Variants in ZMYND8 observed in about 807,000 individuals in gnomAD.
ZMYND8 encodes the protein zinc finger MYND-type containing 8, also known as MYND-type zinc finger-containing chromatin reader ZMYND8.
Under a neutral mutation model 140.8 loss-of-function variants are expected in ZMYND8, and 37 were observed. That is an observed-to-expected ratio of 0.26 (90% CI 0.20 to 0.35). The LOEUF (loss-of-function observed/expected upper bound fraction) is 0.35, where lower values mean the gene tolerates loss of function less well. Among genes scored for constraint, ZMYND8 ranks in the 10% least tolerant of loss-of-function variants. The pLI is 1.00. For synonymous variants in ZMYND8, 592 were observed against 597.1 expected (o/e 0.99, Z 0.12); for missense variants, 1,068 against 1,570.0 (o/e 0.68, Z 5.40).
intron 3 of ZMYND8, among the ~76,000 whole-genome samples, chr20:47,305,460 C>T (rs2078408166): frequency 6.6e-6 from 1 of 151,526 alleles, no homozygotes; most frequent in Non-Finnish European, 1.5e-5. Context: ...AGGTTGGTCT[C>T]GAACTCCTGG....
chr20:47,225,317 T>C (rs1297511420), intron 18 of ZMYND8, among the ~76,000 whole-genome samples: 1 of 151,818 alleles, frequency 6.6e-6, no homozygotes, highest in African/African-American at 2.4e-5. Flanking sequence ...TCCCAGCACT[T>C]TGGGAGGCTG....
At position 47,262,370 on chromosome 20, in the gene ZMYND8, G is replaced by A; in HGVS notation, c.1539C>T (p.Pro513=). Reference sequence around the variant, plus strand: ...TAGGAGCTGACAGTTGAGGAGAGAAGGGCTTTGGGCTGCCGGATAAACTCC... The same window carrying A: ...TAGGAGCTGACAGTTGAGGAGAGAAAGGCTTTGGGCTGCCGGATAAACTCC... ...QAGSLSGSPK[P]FSPQLSAPIT... The change falls in exon 12 of 23, where the codon CCC becomes CCT. Residue 513 remains proline, a synonymous_variant. Coordinates refer to ENST00000471951, the MANE Select transcript of ZMYND8 (RefSeq NM_001281775.3). 2 of 1,614,026 alleles carry A rather than the reference G, an allele frequency of 1.2e-6. No individual in the cohort carries two copies. The highest frequency in any genetic ancestry group is 1.7e-6 in the Non-Finnish European group (2 of 1,180,014).
intron 3 of ZMYND8, among the ~76,000 whole-genome samples, chr20:47,301,402 C>T (rs2078037488): frequency 6.6e-6 from 1 of 151,906 alleles, no homozygotes; most frequent in African/African-American, 2.4e-5. Flanking sequence ...GTGATCTGTC[C>T]GTCTCTGCCT....
chr20:47,330,785 C>A (rs1020575707), intron 2 of ZMYND8, among the ~76,000 whole-genome samples: 5 of 152,198 alleles, frequency 3.3e-5, no homozygotes, highest in African/African-American at 1.2e-4. Flanking sequence ...GCTTTTACTT[C>A]AGTCTCTAGG....
intron 1 of ZMYND8, among the ~76,000 whole-genome samples, chr20:47,350,350 A>C (rs1259796655): frequency 1.3e-5 from 2 of 151,460 alleles, no homozygotes; most frequent in Admixed American, 6.6e-5. Flanking sequence ...AAAAAAAAAA[A>C]AACTTCATTT....
chr20:47,305,965 C>T (rs776509674), intron 3 of ZMYND8, among the ~76,000 whole-genome samples: 7 of 152,202 alleles, frequency 4.6e-5, no homozygotes, highest in East Asian at 1.9e-4. Context: ...CACAAAACGC[C>T]GAGAGCATCT....
intron 14 of ZMYND8, among the ~76,000 whole-genome samples, chr20:47,242,113 G>A (rs982525884): frequency 1.3e-5 from 2 of 152,238 alleles, no homozygotes; most frequent in Non-Finnish European, 2.9e-5. Context: ...CGCTGCGCCC[G>A]GCCTATGTCT....
chr20:47,232,525 A>T (rs1000465703), intron 16 of ZMYND8, among the ~76,000 whole-genome samples: 3 of 146,962 alleles, frequency 2.0e-5, no homozygotes, highest in African/African-American at 7.4e-5. Flanking sequence ...CCCCAACTCT[A>T]AAAAAAAAAA....
chr20:47,221,314 C>T lies in ZMYND8; in HGVS notation c.3417G>A (p.Ser1139=), dbSNP rs748797581. 1.9e-6 allele frequency: 3 copies of T among 1,612,306 alleles called. No homozygotes were observed. The highest frequency in any genetic ancestry group is 2.5e-6 in the Non-Finnish European group (3 of 1,179,662). ...GCCAAAGGCATGGGGGGATCCTCAC[C>T]GAGCCACTCTCCTTGCTTTTCTCAG... ...TSAEKSKESG[S]TLDLSGSRET... Residue 1139 remains serine, a splice_region_variant and synonymous_variant, in exon 20 of 23, where the codon TCG becomes TCA. Transcript: ENST00000471951.
chr20:47,291,399 T>A (rs2077255407), intron 6 of ZMYND8, among the ~76,000 whole-genome samples: 1 of 152,198 alleles, frequency 6.6e-6, no homozygotes, highest in Admixed American at 6.5e-5. Context: ...AGAAGCCACA[T>A]CTTTATTGCT....
At chr20:47,223,093 G>A (rs540943739) in intron 19 of ZMYND8, among the ~76,000 whole-genome samples, 7 of 152,308 alleles carry the variant, frequency 4.6e-5, no homozygotes, top group Non-Finnish European at 8.8e-5. Context: ...TTGCCAATCC[G>A]CAGACATACT....
rs76454518 is a variant in ZMYND8 at position 47,328,417 on chromosome 20, C to T, written c.86-18213G>A. On this transcript the variant is annotated intron_variant, in intron 2 of 22. Transcript: ENST00000471951. ...GTCAAGGAGATACACTGATTTTTAT[C>T]ATTTGAAAGGAAAATCCAATAAACC... 3.4e-3 allele frequency among the ~76,000 whole-genome samples: 514 copies of T among 151,656 alleles called. 3 individuals carry two copies. The highest frequency in any genetic ancestry group is 0.012 in the African/African-American group (503 of 41,026).
At chr20:47,325,552 G>A (rs1003129404) in intron 2 of ZMYND8, among the ~76,000 whole-genome samples, 1 of 152,068 alleles carries the variant, frequency 6.6e-6, no homozygotes, top group Non-Finnish European at 1.5e-5. Flanking sequence ...TGGTCACGTC[G>A]GCCTCTGAAA....
rs541438257 is a variant in ZMYND8 at position 47,349,998 on chromosome 20, G to A, written c.15-2072C>T. ...TCAGGCAGGAATGCTGCTGAGAGACGAGGAAAATGCAAACTAGTTATGTGG... is the reference window on the plus strand; with the variant it reads ...TCAGGCAGGAATGCTGCTGAGAGACAAGGAAAATGCAAACTAGTTATGTGG... On this transcript the variant is annotated intron_variant, in intron 1 of 22. Transcript: ENST00000471951. 6.7e-6 allele frequency: 10 copies of A among 1,499,614 alleles called. No individual in the cohort carries two copies. The Admixed American group carries it at 1.1e-4, about 17-fold the overall frequency. 92.9% of individuals were successfully genotyped at this position (1,499,614 alleles called of 1,614,324 possible). A position where few individuals can be genotyped will look rare whatever the true frequency, so the allele number is the denominator to read the frequency against.
At chr20:47,262,199 G>A in intron 12 of ZMYND8, 89 bp downstream of exon 12, 5 of 1,576,088 alleles carry the variant, frequency 3.2e-6, no homozygotes, top group Non-Finnish European at 3.5e-6. Flanking sequence ...AGAGTTGAAG[G>A]TTCAAGAACC....
intron 6 of ZMYND8, among the ~76,000 whole-genome samples, chr20:47,291,443 T>C (rs1026695174): frequency 1.3e-5 from 2 of 152,246 alleles, no homozygotes; most frequent in African/African-American, 2.4e-5. Flanking sequence ...TAATTTTCTC[T>C]TCTTCCTTCC....
chr20:47,278,457 C>T (rs954155066), intron 10 of ZMYND8, among the ~76,000 whole-genome samples: 1 of 152,142 alleles, frequency 6.6e-6, no homozygotes, highest in Non-Finnish European at 1.5e-5. Flanking sequence ...CCAACACTGC[C>T]ACGTTTTCCA....
intron 11 of ZMYND8, among the ~76,000 whole-genome samples, chr20:47,264,077 C>A (rs571119682): frequency 6.6e-6 from 1 of 152,116 alleles, no homozygotes; most frequent in African/African-American, 2.4e-5. Flanking sequence ...CGGCCCCCCA[C>A]AAGAAAGAGT....
intron 7 of ZMYND8, among the ~76,000 whole-genome samples, chr20:47,287,578 C>T (rs2077001769): frequency 6.6e-6 from 1 of 152,176 alleles, no homozygotes; most frequent in African/African-American, 2.4e-5. Context: ...ATTCTAAAGG[C>T]TCAAATTAAT....
Sources: gnomAD v4.1 joint callset for allele counts (sites outside exome capture counted in the v4.1 genomes callset) on GRCh38, gnomAD v4.1.1 for gene constraint, MANE v1.5 for transcripts, NCBI Gene and HGNC (gene_info 2026-07-23, HGNC 2026-07-21) for gene names.